The following CDH8 variants were observed in gnomAD, a reference collection of about 807,000 sequenced individuals.
CDH8 encodes cadherin 8, also known as cadherin-8.
Under a neutral mutation model 68.1 loss-of-function variants are expected in CDH8, and 17 were observed. The observed-to-expected ratio is 0.25, with a 90% CI of 0.17 to 0.37. CDH8 has a LOEUF of 0.37. Among genes scored for constraint, CDH8 ranks in the 10% least tolerant of loss-of-function variants. CDH8 has a pLI of 1.00. For missense variants in CDH8, 763 were observed against 999.3 expected (o/e 0.76, Z 3.19); for synonymous variants, 372 against 365.1 (o/e 1.02, Z -0.21).
intron 3 of CDH8, among the ~76,000 whole-genome samples, chr16:61,882,047 A>G (rs1963589275): frequency 1.3e-5 from 2 of 152,208 alleles, no homozygotes; most frequent in Non-Finnish European, 2.9e-5. Flanking sequence ...AATCAAGAAT[A>G]TATTTTCTAT....
chr16:61,794,011 C>T lies in CDH8; in HGVS notation c.1278-4529G>A, dbSNP rs1404757425. On this transcript the variant is annotated intron_variant, in intron 7 of 11. Coordinates refer to ENST00000577390, the MANE Select transcript of CDH8 (RefSeq NM_001796.5). ...TCATTTTGGAATATACTGATTTGAA[C>T]ATATCTTAGACACCTAAATATTAAA... Among the ~76,000 whole-genome samples, 3 of 152,104 alleles carry T rather than the reference C, an allele frequency of 2.0e-5. No homozygotes were observed. The East Asian group carries it at 5.8e-4, about 29-fold the overall frequency.
intron 2 of CDH8, among the ~76,000 whole-genome samples, chr16:61,948,175 G>A (rs1964829732): frequency 6.6e-6 from 1 of 152,094 alleles, no homozygotes; most frequent in Non-Finnish European, 1.5e-5. Context: ...TAACATAATG[G>A]AAGAGACAGA....
chr16:61,721,443 A>G (rs749134043), intron 9 of CDH8, among the ~76,000 whole-genome samples: 3 of 150,882 alleles, frequency 2.0e-5, no homozygotes, highest in Non-Finnish European at 4.5e-5. Flanking sequence ...ATAAAGTGCC[A>G]TAACTTCATT....
intron 1 of CDH8, among the ~76,000 whole-genome samples, chr16:62,024,175 T>G (rs542846936): frequency 5.8e-4 from 89 of 152,188 alleles, no homozygotes; most frequent in African/African-American, 2.0e-3. Context: ...ATGAGATGGT[T>G]GTGAGAATGA....
In CDH8 at chr16:61,781,427, TA is replaced by T. The variant is rs548315940; in HGVS notation, c.1414+7918del. On this transcript the variant is annotated intron_variant, in intron 8 of 11. Transcript: ENST00000577390. ...GGGCAACATGGTGAGACCCTGTTTC[TA>T]AAAAAAAAACCAAAACCAAAAACAA... is the stretch of plus-strand genomic sequence containing the variant. Among the ~76,000 whole-genome samples the T allele has an allele frequency of 2.1e-3, 310 of 146,464 alleles. 1 individual carries two copies. Among genetic ancestry groups the T allele is most frequent in the African/African-American group, 7.0e-3 (282 of 40,040 alleles).
Position 61,826,446 on chromosome 16 carries a change from A to G in CDH8, c.668-1267T>C, listed in dbSNP as rs368272166. 1.8e-4 allele frequency among the ~76,000 whole-genome samples: 27 copies of G among 151,894 alleles called. No individual in the cohort carries two copies. The East Asian group carries it at 2.1e-3, about 12-fold the overall frequency. ...CCCTTCCCCATATTGCTAAATGTCC[A>G]TAATAAAACTTATTTTGACTAGTCC... On this transcript the variant is annotated intron_variant, in intron 4 of 11. Transcript: ENST00000577390.
intron 2 of CDH8, among the ~76,000 whole-genome samples, chr16:62,006,538 T>C (rs1965978595): frequency 6.6e-6 from 1 of 152,204 alleles, no homozygotes; most frequent in Admixed American, 6.5e-5. Flanking sequence ...AGAGTTCATA[T>C]ATCCTGGAAG....
chr16:61,863,643 C>A (rs1292458456), intron 3 of CDH8, among the ~76,000 whole-genome samples: 1 of 152,140 alleles, frequency 6.6e-6, no homozygotes, highest in Non-Finnish European at 1.5e-5. Flanking sequence ...AGACAAATTC[C>A]ATTTGCAAAG....
intron 9 of CDH8, among the ~76,000 whole-genome samples, chr16:61,723,715 C>T (rs1413858862): frequency 1.3e-5 from 2 of 150,484 alleles, no homozygotes; most frequent in Non-Finnish European, 3.0e-5. Flanking sequence ...TGACAGAAAC[C>T]CACCACCCTA....
chr16:61,689,831 AT>A (rs200321440), intron 10 of CDH8, among the ~76,000 whole-genome samples: 4 of 151,078 alleles, frequency 2.6e-5, no homozygotes, highest in East Asian at 2.0e-4. Context: ...TTACTAATAC[AT>A]TTTTTTTTCA....
At chr16:61,795,555 C>T (rs1485076419) in intron 7 of CDH8, among the ~76,000 whole-genome samples, 1 of 152,012 alleles carries the variant, frequency 6.6e-6, no homozygotes, top group East Asian at 1.9e-4. Context: ...ATAAATGATT[C>T]ACATTTAGAC....
intron 2 of CDH8, among the ~76,000 whole-genome samples, chr16:61,988,299 A>G (rs1333900930): frequency 2.6e-5 from 4 of 152,218 alleles, no homozygotes; most frequent in African/African-American, 9.6e-5. Context: ...TGAATATTCT[A>G]CAAAGGATTA....
At chr16:62,001,014 G>C (rs1965884399) in intron 2 of CDH8, among the ~76,000 whole-genome samples, 1 of 152,120 alleles carries the variant, frequency 6.6e-6, no homozygotes, top group Non-Finnish European at 1.5e-5. Flanking sequence ...CTAAAAATTT[G>C]AGTGACTTTC....
intron 2 of CDH8, chr16:61,934,026 A>C (rs1235777525): frequency 6.6e-6 from 1 of 152,176 alleles, no homozygotes; most frequent in Non-Finnish European, 1.5e-5. Flanking sequence ...CAATAGCAGG[A>C]ATGTGTTTGG....
At chr16:62,001,924 C>A (rs1965900556) in intron 2 of CDH8, among the ~76,000 whole-genome samples, 1 of 151,992 alleles carries the variant, frequency 6.6e-6, no homozygotes, top group African/African-American at 2.4e-5. Flanking sequence ...GCCAAGAAGA[C>A]AAGTAGATAA....
intron 2 of CDH8, among the ~76,000 whole-genome samples, chr16:61,981,959 T>C (rs569306553): frequency 2.6e-4 from 40 of 152,308 alleles, no homozygotes; most frequent in African/African-American, 9.1e-4. Flanking sequence ...CTTCCTTTTA[T>C]CTGAGCATGA....
intron 3 of CDH8, among the ~76,000 whole-genome samples, chr16:61,888,503 G>A (rs1197173734): frequency 1.3e-5 from 2 of 152,066 alleles, no homozygotes; most frequent in Non-Finnish European, 2.9e-5. Context: ...TACTGGTTCT[G>A]ACTTTCTGAT....
rs147906428 is a variant in CDH8 at position 61,952,014 on chromosome 16, A to T, written c.253-50541T>A. 7.8e-3 allele frequency among the ~76,000 whole-genome samples: 1,195 copies of T among 152,306 alleles called. 17 individuals are homozygous for T. Among genetic ancestry groups the T allele is most frequent in the African/African-American group, 0.027 (1,136 of 41,562 alleles). ...GAACAAACTCCCAAGAAGTTACTGA[A>T]TATTATCGAAGACAGTGGCCATGTC... On this transcript the variant is annotated intron_variant, in intron 2 of 11. Coordinates refer to ENST00000577390, the MANE Select transcript of CDH8 (RefSeq NM_001796.5).
chr16:61,826,119 A>T (rs8054333), intron 4 of CDH8, among the ~76,000 whole-genome samples: 82,317 of 151,638 alleles, frequency 0.54, 24,890 homozygotes, highest in African/African-American at 0.83. Context: ...CAGAAATGTG[A>T]GTATAAACAT....
Sources: allele counts gnomAD v4.1 joint callset (sites outside exome capture counted in the v4.1 genomes callset), GRCh38; gene constraint gnomAD v4.1.1; transcripts MANE v1.5; gene names NCBI Gene and HGNC (gene_info 2026-07-23, HGNC 2026-07-21).